SF3B1: variants seen among roughly 807,000 people sequenced by gnomAD.
The protein encoded by SF3B1 is splicing factor 3b subunit 1.
A neutral mutation model predicts 153.8 loss-of-function variants in SF3B1; 12 were observed. That is an observed-to-expected ratio of 0.08 (90% CI 0.05 to 0.13). SF3B1 has a LOEUF of 0.13. Among genes scored for constraint, SF3B1 ranks in the 10% least tolerant of loss-of-function variants. The pLI, the probability that SF3B1 is intolerant of heterozygous loss-of-function variation, is 1.00. For missense variants in SF3B1, 513 were observed against 1,606.1 expected, an observed-to-expected ratio of 0.32 and a Z score of 11.63; for synonymous variants, 498 against 525.2, an observed-to-expected ratio of 0.95 and a Z score of 0.71.
Position 197,423,979 on chromosome 2 carries a change from A to G in SF3B1, c.29-5T>C. The G allele has an allele frequency of 6.2e-7, 1 of 1,602,624 alleles. No individual in the cohort carries two copies. The highest frequency in any genetic ancestry group is 8.5e-7 in the Non-Finnish European group (1 of 1,177,202). ...CTCGAATCTGTGCTTCAATATCTAT[A>G]AAAAGATAACACAGACTTTCTTAAT... On this transcript the variant is annotated splice_polypyrimidine_tract_variant and splice_region_variant and intron_variant, in intron 1 of 24. Transcript: ENST00000335508.
At chr2:197,397,709 A>G (rs1451565461) in intron 22 of SF3B1, among the ~76,000 whole-genome samples, 1 of 152,154 alleles carries the variant, frequency 6.6e-6, no homozygotes, top group Non-Finnish European at 1.5e-5. Context: ...AGGCAGGAGA[A>G]TCGCCTGCAC....
intron 22 of SF3B1, among the ~76,000 whole-genome samples, chr2:197,396,695 G>A (rs2084877995): frequency 6.6e-6 from 1 of 152,154 alleles, no homozygotes; most frequent in African/African-American, 2.4e-5. Context: ...ATGGGCACTA[G>A]AACTAGGTAG....
intron 1 of SF3B1, among the ~76,000 whole-genome samples, chr2:197,426,672 C>A (rs538994062): frequency 2.6e-5 from 4 of 152,230 alleles, no homozygotes; most frequent in Admixed American, 1.3e-4. Flanking sequence ...AAAGGTAGAA[C>A]CTTAGGTCTT....
rs1297538547 is a variant in SF3B1, at chr2:197,423,952, T to G, written c.51A>C (p.Glu17Asp). Residue 17 changes from glutamate to aspartate, a missense_variant, in exon 2 of 25, where the codon GAA (glutamate) becomes GAC (aspartate). Around this residue, in one of 21 missense-constraint regions of SF3B1, gnomAD observed 27 missense variants for 26.7 expected, o/e 1.01. Transcript: ENST00000335508. ...CAAGAGCTGCCTTCTTGCCTTGAATTTCTCGAATCTGTGCTTCAATATCTA... is the reference window on the plus strand; with the variant it reads ...CAAGAGCTGCCTTCTTGCCTTGAATGTCTCGAATCTGTGCTTCAATATCTA... ...THEDIEAQIR[E>D]IQGKKAALDE... The G allele has an allele frequency of 1.2e-6, 2 of 1,609,816 alleles. No homozygotes were observed. The highest frequency in any genetic ancestry group is 4.5e-5 in the East Asian group (2 of 44,854).
rs2105986598 is a variant in SF3B1 at position 197,402,589 on chromosome 2, G to A, written c.2044C>T (p.His682Tyr). 2 of 1,613,270 alleles carry A rather than the reference G, an allele frequency of 1.2e-6. No homozygotes were observed. The highest frequency in any genetic ancestry group is 1.7e-4 in the Middle Eastern group (1 of 6,060). The change falls in exon 14 of 25, where the codon CAT becomes TAT. Residue 682 changes from histidine to tyrosine, a missense_variant. His to Tyr is a moderately conservative substitution (Grantham distance 83). Around this residue, in one of 21 missense-constraint regions of SF3B1, gnomAD observed 50 missense variants for 236.5 expected, o/e 0.21. Transcript: ENST00000335508. This position sits in a 1 kb window ranked among gnomAD's most constrained non-coding sequence, Gnocchi z 4.6. ...AILMGCAILP[H>Y]LRSLVEIIEH... ...ATGATTTCAACTAAACTTCTAAGAT[G>A]TGGCAAGATGGCACAGCCCATAAGA... is the stretch of plus-strand genomic sequence containing the variant.
intron 22 of SF3B1, among the ~76,000 whole-genome samples, chr2:197,396,668 TTC>T (rs546298979): frequency 1.2e-3 from 181 of 152,316 alleles, no homozygotes; most frequent in Middle Eastern, 3.4e-3. Context: ...AAGTGAGTAA[TTC>T]TCTGAGTTGT....
chr2:197,427,297 G>A (rs946291458), intron 1 of SF3B1, among the ~76,000 whole-genome samples: 2 of 152,158 alleles, frequency 1.3e-5, no homozygotes, highest in Non-Finnish European at 2.9e-5. Flanking sequence ...ATGTTTATAT[G>A]CAAATCAGGC....
At chr2:197,404,722 C>A in intron 11 of SF3B1, 1 of 161,732 alleles carries the variant, frequency 6.2e-6, no homozygotes, top group Non-Finnish European at 1.3e-5. Flanking sequence ...ATAACACTAC[C>A]AAAAGTTAAT....
chr2:197,392,636 CCT>C (rs1229385993), intron 24 of SF3B1, among the ~76,000 whole-genome samples, 175 bp from the exon 25 acceptor site: 3 of 151,486 alleles, frequency 2.0e-5, no homozygotes, highest in Non-Finnish European at 4.4e-5. Context: ...AACTCACTCC[CCT>C]GTCACCACAC....
rs2084946064 is a variant in SF3B1 at position 197,402,498 on chromosome 2, A to G, written c.2077+58T>C. On this transcript the variant is annotated intron_variant, in intron 14 of 24. Transcript: ENST00000335508. The surrounding 1 kb of genome is among the most constrained non-coding windows in gnomAD (Gnocchi z 4.6). ...GGTTTGAGTCCAGTCTGGGCAACATAGTAAGACCCTGTCTCCTAAAGAAAA... is the reference window on the plus strand; with the variant it reads ...GGTTTGAGTCCAGTCTGGGCAACATGGTAAGACCCTGTCTCCTAAAGAAAA... 3 of 1,496,178 alleles carry G rather than the reference A, an allele frequency of 2.0e-6. No individual in the cohort carries two copies. Among genetic ancestry groups the G allele is most frequent in the Non-Finnish European group, 2.7e-6 (3 of 1,095,554 alleles). The allele number at this position is 1,496,178 out of a possible 1,614,324, so 92.7% of individuals were successfully genotyped here. A position where few individuals can be genotyped will look rare whatever the true frequency, so the allele number is the denominator to read the frequency against.
intron 6 of SF3B1, among the ~76,000 whole-genome samples, chr2:197,414,290 G>A (rs2106001926): frequency 6.6e-6 from 1 of 152,364 alleles, no homozygotes; most frequent in Admixed American, 6.5e-5. Flanking sequence ...AGAAGCAGAG[G>A]ACAGATTTGT....
At chr2:197,398,728 C>A in intron 20 of SF3B1, 147 bp from the exon 21 acceptor site, 3 of 719,870 alleles carry the variant, frequency 4.2e-6, no homozygotes, top group Non-Finnish European at 6.8e-6. Context: ...TCTGACCAGA[C>A]TCAGAATCGT....
At chr2:197,414,687 C>T (rs187711279) in intron 6 of SF3B1, among the ~76,000 whole-genome samples, 71 of 152,250 alleles carry the variant, frequency 4.7e-4, no homozygotes, top group South Asian at 2.5e-3. Context: ...AAGACTAGAA[C>T]TATGTAAGCA....
In SF3B1 at chr2:197,434,962, G is replaced by A. The variant is rs1234007631; in HGVS notation, c.28+10C>T. 5 of 1,613,320 alleles carry A rather than the reference G, an allele frequency of 3.1e-6. No individual in the cohort carries two copies. The highest frequency in any genetic ancestry group is 1.3e-5 in the African/African-American group (1 of 74,948). On this transcript the variant is annotated intron_variant, in intron 1 of 24. Transcript: ENST00000335508. Reference sequence around the variant, plus strand: ...CGAAGAAAACACGTAAGCAGGGAAAGACCGCTTACCTTCGTGAGTCTTGGC... The same window carrying A: ...CGAAGAAAACACGTAAGCAGGGAAAAACCGCTTACCTTCGTGAGTCTTGGC...
intron 1 of SF3B1, among the ~76,000 whole-genome samples, chr2:197,428,652 G>A (rs528687620): frequency 1.5e-4 from 23 of 152,312 alleles, no homozygotes; most frequent in Admixed American, 1.3e-3. Context: ...CCAGCACTTT[G>A]GGAAGTCAAG....
intron 8 of SF3B1, 90 bp downstream of exon 8, chr2:197,408,279 T>G: frequency 7.4e-7 from 1 of 1,351,172 alleles, no homozygotes; most frequent in South Asian, 1.3e-5. Context: ...TTACTAGAAG[T>G]TGACATTAAT....
chr2:197,408,330 T>G, intron 8 of SF3B1, 39 bp downstream of exon 8: 2 of 1,574,994 alleles, frequency 1.3e-6, no homozygotes, highest in Non-Finnish European at 1.7e-6. Context: ...AAATAATTTA[T>G]GGAGAAAAAA....
At chr2:197,398,985 A>T in intron 20 of SF3B1, 1 of 1,191,706 alleles carries the variant, frequency 8.4e-7, no homozygotes, top group Non-Finnish European at 1.1e-6. Flanking sequence ...ACTGCAAAAC[A>T]AACAGATCTC....
At position 197,402,680 on chromosome 2, in the gene SF3B1, C is replaced by G. The variant is rs1438110475; in HGVS notation, c.1953G>C (p.Val651=). Residue 651 remains valine, a synonymous_variant, in exon 14 of 25, where the codon GTG becomes GTC. Coordinates refer to ENST00000335508, the MANE Select transcript of SF3B1 (RefSeq NM_012433.4). This position sits in a 1 kb window ranked among gnomAD's most constrained non-coding sequence, Gnocchi z 4.6. ...CTTGCCAGGACTTCTTGCTTTTGCA[C>G]ACAGCTTTTAAGAAGGGCAATAAAG... ...IPSLLPFLKA[V]CKSKKSWQAR... is the part of the protein sequence containing the mutation. 9 of 1,614,106 alleles carry G rather than the reference C, an allele frequency of 5.6e-6. No homozygotes were observed. Among genetic ancestry groups the G allele is most frequent in the Non-Finnish European group, 6.8e-6 (8 of 1,180,008 alleles).
Sources: gnomAD v4.1 joint callset for allele counts (sites outside exome capture counted in the v4.1 genomes callset) on GRCh38, gnomAD v4.1.1 for gene constraint, gnomAD v4.1.1 regional missense constraint, Gnocchi (gnomAD v3.1) non-coding constraint, MANE v1.5 for transcripts, NCBI Gene and HGNC (gene_info 2026-07-23, HGNC 2026-07-21) for gene names.